Variants in PTBP1 observed in about 807,000 individuals in gnomAD.
The protein encoded by PTBP1 is polypyrimidine tract-binding protein 1.
PTBP1 carries 8 observed loss-of-function variants against 59.8 expected under a neutral mutation model. That is an observed-to-expected ratio of 0.13 (90% CI 0.08 to 0.24). The LOEUF is 0.24. Ranked by LOEUF, PTBP1 falls within the 10% of genes least tolerant of loss-of-function variation. PTBP1 has a pLI of 1.00. For missense variants in PTBP1, 686 were observed against 767.0 expected (o/e 0.89, Z 1.25); for synonymous variants, 490 against 320.7 (o/e 1.53, Z -5.64).
At chr19:810,649 C>G in intron 14 of PTBP1, 29 bp downstream of exon 14, 1 of 1,612,064 alleles carries the variant, frequency 6.2e-7, no homozygotes, top group Non-Finnish European at 8.5e-7. Context: ...GTCCCTGGCT[C>G]TCCCCAGGCT....
intron 2 of PTBP1, among the ~76,000 whole-genome samples, chr19:801,804 C>T (rs1021454964): frequency 2.0e-5 from 3 of 152,174 alleles, no homozygotes; most frequent in African/African-American, 7.2e-5. Context: ...GCGTGGTTTC[C>T]ACCTGAGGCG....
intron 9 of PTBP1, 186 bp downstream of exon 9, chr19:805,755 C>T (rs1437008322): frequency 3.3e-6 from 2 of 609,646 alleles, no homozygotes; most frequent in Non-Finnish European, 5.8e-6. Context: ...TAGGACAGGG[C>T]TGTGGAGGCC....
Position 805,379 on chromosome 19 carries a change from G to A in PTBP1, c.893-113G>A, listed in dbSNP as rs1490781889. The A allele has an allele frequency of 2.5e-5, 31 of 1,243,966 alleles. No individual in the cohort carries two copies. In the South Asian group the frequency reaches 3.0e-4, roughly 12 times the overall value. 77.1% of individuals were successfully genotyped at this position (1,243,966 alleles called of 1,614,324 possible). On this transcript the variant is annotated intron_variant, in intron 8 of 14. Transcript: ENST00000356948. The stretch of plus-strand genomic sequence containing the variant: ...CCCCCCTGGAGCAGCGGATCTGCCC[G>A]CGAAGGCTCTGCCGGGGCCGCCCGC...
chr19:799,499 CG>C, intron 2 of PTBP1, 56 bp downstream of exon 2: 2 of 1,569,282 alleles, frequency 1.3e-6, no homozygotes, highest in Non-Finnish European at 8.8e-7. Context: ...GTGCCGACCC[CG>C]GGGGCCACCC....
intron 14 of PTBP1, 22 bp downstream of exon 14, chr19:810,642 C>T (rs1258875700): frequency 1.2e-6 from 2 of 1,612,390 alleles, no homozygotes; most frequent in South Asian, 1.1e-5. Context: ...GCGGGCTGTC[C>T]CTGGCTCTCC....
At chr19:802,016 A>G (rs796772886) in intron 2 of PTBP1, among the ~76,000 whole-genome samples, 6 of 152,262 alleles carry the variant, frequency 3.9e-5, no homozygotes, top group African/African-American at 1.4e-4. Flanking sequence ...AACAGGTGCC[A>G]TTTGGGTGGG....
chr19:805,775 A>T (rs2034535942), intron 9 of PTBP1: 1 of 584,912 alleles, frequency 1.7e-6, no homozygotes. Context: ...CCACGTGTGG[A>T]CGGCGCCAGC....
chr19:799,188 G>A (rs1475771857), intron 1 of PTBP1, among the ~76,000 whole-genome samples: 2 of 152,228 alleles, frequency 1.3e-5, no homozygotes, highest in Non-Finnish European at 2.9e-5. Context: ...GGGAGGGAGG[G>A]GCGCCAAAGG....
At chr19:807,547 T>G in intron 10 of PTBP1, 9 of 372,848 alleles carry the variant, frequency 2.4e-5, no homozygotes, top group South Asian at 4.8e-5. Context: ...TTTTTTTCTT[T>G]TCTCCCCTTC....
chr19:805,479 CATTT>C lies in PTBP1; in HGVS notation c.893-8_893-5del, dbSNP rs769698303. 6.2e-7 allele frequency: 1 copy of C among 1,609,654 alleles called. No homozygotes were observed. Among genetic ancestry groups the C allele is most frequent in the Admixed American group, 1.7e-5 (1 of 60,000 alleles). On this transcript the variant is annotated splice_polypyrimidine_tract_variant and intron_variant, in intron 8 of 14. Coordinates refer to ENST00000356948, the MANE Select transcript of PTBP1 (RefSeq NM_002819.5). The stretch of plus-strand genomic sequence containing the variant: ...GTTGTGGGTGCGATGATTAGTGTCT[CATTT>C]ATTTCTAGGTGCACCTGGTATAATC...
chr19:810,145 AAAAAT>A (rs2034786926), intron 13 of PTBP1, among the ~76,000 whole-genome samples: 1 of 152,214 alleles, frequency 6.6e-6, no homozygotes, highest in Non-Finnish European at 1.5e-5. Flanking sequence ...CGTCTCTACT[AAAAAT>A]AAAAAAATTA....
At position 811,161 on chromosome 19, in the gene PTBP1, TAAAA is replaced by T. The variant is rs1179298198; in HGVS notation, c.*338_*341del. Reference sequence around the variant, plus strand: ...ACCACGACTTGGCTTCCTTGTGCCTTAAAAAACCTGCCTTCCTGCAGCCACACAC... The same window carrying T: ...ACCACGACTTGGCTTCCTTGTGCCTTAACCTGCCTTCCTGCAGCCACACAC... On this transcript the variant is annotated 3_prime_UTR_variant, in exon 15 of 15. Transcript: ENST00000356948. 1.4e-5 allele frequency: 3 copies of T among 209,290 alleles called. No individual in the cohort carries two copies. Among genetic ancestry groups the T allele is most frequent in the African/African-American group, 2.3e-5 (1 of 43,346 alleles). The allele number at this position is 209,290 out of a possible 1,614,324, so 13.0% of individuals were successfully genotyped here. A position where few individuals can be genotyped will look rare whatever the true frequency, so the allele number is the denominator to read the frequency against.
In PTBP1 at chr19:810,850, C is replaced by A. The variant is rs757186446; in HGVS notation, c.*24C>A. ...AGGGGCACAGGCCCCCACGGCCGGGCCCCCTGGCGACAACTTCCATCATTC... is the reference window on the plus strand; with the variant it reads ...AGGGGCACAGGCCCCCACGGCCGGGACCCCTGGCGACAACTTCCATCATTC... On this transcript the variant is annotated 3_prime_UTR_variant, in exon 15 of 15. Coordinates refer to ENST00000356948, the MANE Select transcript of PTBP1 (RefSeq NM_002819.5). The A allele has an allele frequency of 2.7e-6, 4 of 1,506,086 alleles. No homozygotes were observed. Among genetic ancestry groups the A allele is most frequent in the East Asian group, 4.9e-5 (2 of 40,458 alleles). The allele number at this position is 1,506,086 out of a possible 1,614,324, so 93.3% of individuals were successfully genotyped here.
At chr19:801,364 G>A (rs762985740) in intron 2 of PTBP1, among the ~76,000 whole-genome samples, 2 of 152,236 alleles carry the variant, frequency 1.3e-5, no homozygotes, top group South Asian at 2.1e-4. Context: ...GAGCCAAGCC[G>A]GCCTGTGCCG....
In PTBP1 at chr19:804,714, C is replaced by T; in HGVS notation, c.606+12C>T. The T allele has an allele frequency of 6.2e-7, 1 of 1,610,280 alleles. No individual in the cohort carries two copies. The highest frequency in any genetic ancestry group is 8.5e-7 in the Non-Finnish European group (1 of 1,177,396). On this transcript the variant is annotated intron_variant, in intron 6 of 14. Transcript: ENST00000356948. ...ATGTGCTGCACCAGGTGAGGTGGTCCCATCACCGCCAGGGCAGGTCGGCTG... is the reference window on the plus strand; with the variant it reads ...ATGTGCTGCACCAGGTGAGGTGGTCTCATCACCGCCAGGGCAGGTCGGCTG...
In PTBP1 at chr19:808,991, A is replaced by G. The variant is rs1263476026; in HGVS notation, c.1463+229A>G. 6.6e-6 allele frequency among the ~76,000 whole-genome samples: 1 copy of G among 152,138 alleles called. No homozygotes were observed. The highest frequency in any genetic ancestry group is 2.4e-5 in the African/African-American group (1 of 41,420). On this transcript the variant is annotated intron_variant, in intron 13 of 14. Coordinates refer to ENST00000356948, the MANE Select transcript of PTBP1 (RefSeq NM_002819.5). This position sits in a 1 kb window ranked among gnomAD's most constrained non-coding sequence, Gnocchi z 4.7. ...GGCTCAGGGGATGCTCCCTGTGAGA[A>G]TGTATAATGCACACATTTATTTATT... is the stretch of plus-strand genomic sequence containing the variant.
intron 3 of PTBP1, 141 bp downstream of exon 3, chr19:803,777 CGCT>C (rs879368642): frequency 9.4e-6 from 8 of 854,562 alleles, no homozygotes; most frequent in African/African-American, 5.1e-5. Context: ...TCCAAGTTCT[CGCT>C]GCAGAGAATT....
At chr19:800,059 C>T (rs370810504) in intron 2 of PTBP1, among the ~76,000 whole-genome samples, 7 of 151,514 alleles carry the variant, frequency 4.6e-5, no homozygotes, top group African/African-American at 1.5e-4. Context: ...CCTGAGTAGC[C>T]GGGATTACAG....
chr19:800,323 G>A (rs888902674), intron 2 of PTBP1, among the ~76,000 whole-genome samples: 2 of 152,160 alleles, frequency 1.3e-5, no homozygotes, highest in Non-Finnish European at 2.9e-5. Context: ...AATGTGCCAC[G>A]TCTCTGGGGT....
Sources: gnomAD v4.1 joint callset for allele counts (sites outside exome capture counted in the v4.1 genomes callset) on GRCh38, gnomAD v4.1.1 for gene constraint, Gnocchi (gnomAD v3.1) non-coding constraint, MANE v1.5 for transcripts, NCBI Gene and HGNC (gene_info 2026-07-23, HGNC 2026-07-21) for gene names.